CCDC144A: variants seen among roughly 807,000 people sequenced by gnomAD.
CCDC144A encodes coiled-coil domain-containing protein 144A.
A neutral mutation model predicts 143.8 loss-of-function variants in CCDC144A; 41 were observed. The observed-to-expected ratio is 0.29, with a 90% CI of 0.22 to 0.37. CCDC144A has a LOEUF of 0.37. Ranked by LOEUF, CCDC144A falls within the 10% of genes least tolerant of loss-of-function variation. The pLI is 1.00. For missense variants in CCDC144A, 637 were observed against 1,488.8 expected (o/e 0.43, Z 9.41); for synonymous variants, 242 against 517.9 (o/e 0.47, Z 7.23).
chr17:16,734,670 A>T lies in CCDC144A; in HGVS notation c.2419-20A>T. The T allele has an allele frequency of 6.7e-7, 1 of 1,500,020 alleles. No homozygotes were observed. Among genetic ancestry groups the T allele is most frequent in the South Asian group, 1.4e-5 (1 of 71,666 alleles). The allele number at this position is 1,500,020 out of a possible 1,614,324, so 92.9% of individuals were successfully genotyped here. A position where few individuals can be genotyped will look rare whatever the true frequency, so the allele number is the denominator to read the frequency against. On this transcript the variant is annotated intron_variant, in intron 11 of 16. Transcript: ENST00000399273. ...CTGTCATTTTATTGAGTGCTACTGA[A>T]TGTTTCCTTTCTTACTTAGATTTCT...
chr17:16,678,751 G>GTTT, the CCDC144A span, among the ~76,000 whole-genome samples: 828 of 78,032 alleles, frequency 0.011, 14 homozygotes, highest in Non-Finnish European at 0.017. Flanking sequence ...TGGCTAATTT[G>GTTT]TTTTTTTTTT....
chr17:16,671,020 C>T, the CCDC144A span, among the ~76,000 whole-genome samples: 1 of 151,484 alleles, frequency 6.6e-6, no homozygotes, highest in Non-Finnish European at 1.5e-5. Flanking sequence ...CACCATCTCA[C>T]CCTGTCACCT....
the CCDC144A span, among the ~76,000 whole-genome samples, chr17:16,682,090 T>C: frequency 6.8e-3 from 1,029 of 152,108 alleles, 21 homozygotes; most frequent in South Asian, 0.013. Flanking sequence ...AGGGAAGTAG[T>C]GTAGTTACCA....
chr17:16,708,441 C>A (rs1597542978), intron 4 of CCDC144A, among the ~76,000 whole-genome samples: 1 of 151,996 alleles, frequency 6.6e-6, no homozygotes, highest in Non-Finnish European at 1.5e-5. Context: ...AGTGAGGACG[C>A]CTTTGTAACA....
chr17:16,682,888 T>G, the CCDC144A span, among the ~76,000 whole-genome samples: 7 of 61,876 alleles, frequency 1.1e-4, no homozygotes, highest in Admixed American at 1.7e-4. Context: ...TCTCTGTTTT[T>G]TTTTTTTTTT....
intron 12 of CCDC144A, among the ~76,000 whole-genome samples, chr17:16,738,898 ACGTT>A (rs1484316813): frequency 6.6e-6 from 1 of 152,082 alleles, no homozygotes; most frequent in African/African-American, 2.4e-5. Context: ...GCACCATTTT[ACGTT>A]CCCATCAGCA....
At chr17:16,688,636 G>A (rs868680025), upstream of CCDC144A, among the ~76,000 whole-genome samples, 3 of 151,680 alleles carry the variant, frequency 2.0e-5, no homozygotes, top group African/African-American at 7.3e-5. Context: ...CTACAGGCAC[G>A]TGCCAGCACG....
chr17:16,745,895 C>G, intron 12 of CCDC144A: 3 of 1,596,786 alleles, frequency 1.9e-6, no homozygotes, highest in Non-Finnish European at 2.6e-6. Context: ...CAGGTCCTTT[C>G]CCCCATCTCT....
At chr17:16,702,414 C>T (rs1429383515) in intron 2 of CCDC144A, among the ~76,000 whole-genome samples, 1 of 152,202 alleles carries the variant, frequency 6.6e-6, no homozygotes, top group Non-Finnish European at 1.5e-5. Context: ...ACTCAGTAAA[C>T]ATTGCCAGCA....
At chr17:16,748,559 A>G (rs1448922996) in intron 12 of CCDC144A, among the ~76,000 whole-genome samples, 2 of 151,986 alleles carry the variant, frequency 1.3e-5, no homozygotes, top group Non-Finnish European at 2.9e-5. Context: ...TTCTTTATTC[A>G]TTGTGTCTTT....
intron 5 of CCDC144A, among the ~76,000 whole-genome samples, chr17:16,711,163 A>AAAAAAAAAAAAAAAAAT (rs1912418050): frequency 7.0e-6 from 1 of 142,192 alleles, no homozygotes; most frequent in South Asian, 2.2e-4. Context: ...AAAAAACAAA[A>AAAAAAAAAAAAAAAAAT]GTTAGTGGGG....
At chr17:16,707,153 T>C in intron 3 of CCDC144A, 1 of 279,604 alleles carries the variant, frequency 3.6e-6, no homozygotes, top group Non-Finnish European at 6.7e-6. Context: ...ATATTACTAC[T>C]GCATTCCAAA....
At chr17:16,699,417 C>A (rs973932408) in intron 2 of CCDC144A, among the ~76,000 whole-genome samples, 1 of 145,940 alleles carries the variant, frequency 6.9e-6, no homozygotes, top group African/African-American at 2.6e-5. Context: ...GCTCTTCCAC[C>A]CAGGCGGGAC....
chr17:16,757,419 G>A (rs1377986852), intron 12 of CCDC144A, among the ~76,000 whole-genome samples: 19 of 152,248 alleles, frequency 1.2e-4, no homozygotes, highest in African/African-American at 3.6e-4. Context: ...TGGATGCCAC[G>A]TGCAGGTGCC....
chr17:16,698,547 A>C (rs1911545932), intron 2 of CCDC144A, among the ~76,000 whole-genome samples: 1 of 152,136 alleles, frequency 6.6e-6, no homozygotes, highest in African/African-American at 2.4e-5. Context: ...TGGTGAGTTA[A>C]TGTACCACCA....
intron 8 of CCDC144A, among the ~76,000 whole-genome samples, chr17:16,725,148 A>T (rs1315039771): frequency 6.7e-6 from 1 of 150,220 alleles, no homozygotes; most frequent in African/African-American, 2.5e-5. Flanking sequence ...TTTTACATTT[A>T]AAGTGCTTTT....
intron 8 of CCDC144A, among the ~76,000 whole-genome samples, chr17:16,724,416 A>G (rs2143198830): frequency 6.6e-6 from 1 of 151,456 alleles, no homozygotes; most frequent in South Asian, 2.1e-4. Flanking sequence ...AGGCTGAGGC[A>G]GGAGAATGGC....
chr17:16,754,414 G>A (rs1241643365), intron 12 of CCDC144A, among the ~76,000 whole-genome samples: 1 of 152,074 alleles, frequency 6.6e-6, no homozygotes, highest in East Asian at 1.9e-4. Context: ...TGCCCTCTTA[G>A]TGCTTCTTTT....
At chr17:16,704,486 A>G (rs1215294270) in intron 2 of CCDC144A, among the ~76,000 whole-genome samples, 1 of 151,980 alleles carries the variant, frequency 6.6e-6, no homozygotes, top group Non-Finnish European at 1.5e-5. Flanking sequence ...TTACATCCCA[A>G]CAATTTTGTT....
Sources: allele counts gnomAD v4.1 joint callset (sites outside exome capture counted in the v4.1 genomes callset), GRCh38; gene constraint gnomAD v4.1.1; transcripts MANE v1.5; gene names NCBI Gene and HGNC (gene_info 2026-07-23, HGNC 2026-07-21).